The following GLI2 variants were observed in gnomAD, a reference collection of about 807,000 sequenced individuals.
The protein encoded by GLI2 is transcription activator GLI2.
A neutral mutation model predicts 78.9 loss-of-function variants in GLI2; 22 were observed. The observed-to-expected ratio is 0.28, with a 90% CI of 0.20 to 0.40. The LOEUF is 0.40. Ranked by LOEUF, GLI2 falls within the 10% of genes least tolerant of loss-of-function variation. The probability of loss-of-function intolerance (pLI) is 1.00; values close to 1 mark genes in which losing one functional copy is unlikely to be tolerated. For synonymous variants in GLI2, 974 were observed against 963.7 expected (o/e 1.01, Z -0.20); for missense variants, 2,097 against 2,213.2 (o/e 0.95, Z 1.05).
At chr2:120,868,171 C>CT (rs1688244235) in intron 2 of GLI2, among the ~76,000 whole-genome samples, 1 of 152,206 alleles carries the variant, frequency 6.6e-6, no homozygotes, top group African/African-American at 2.4e-5. Context: ...GCGGTTTGAG[C>CT]TGCAAGGAGG....
Position 120,990,451 on chromosome 2 carries a change from G to A in GLI2, c.4486G>A (p.Asp1496Asn), listed in dbSNP as rs755563767. 1.3e-5 allele frequency: 21 copies of A among 1,613,734 alleles called. No homozygotes were observed. Among genetic ancestry groups the A allele is most frequent in the East Asian group, 2.2e-5 (1 of 44,850 alleles). Residue 1496 changes from aspartate (D) to asparagine (N), a missense_variant, in exon 14 of 14, where the codon GAT becomes AAT. Asp to Asn is a conservative substitution (Grantham distance 23). Transcript: ENST00000361492. Reference sequence around the variant, plus strand: ...CCTGGAGGCCCCCCAGATTGACTTCGATGCCATCATGGATGATGGCGATCA... The same window carrying A: ...CCTGGAGGCCCCCCAGATTGACTTCAATGCCATCATGGATGATGGCGATCA... ...QLLEAPQIDF[D>N]AIMDDGDHSS... is the part of the protein sequence containing the mutation.
intron 3 of GLI2, among the ~76,000 whole-genome samples, chr2:120,939,071 C>T (rs1436748677): frequency 2.6e-5 from 4 of 152,180 alleles, no homozygotes; most frequent in Admixed American, 1.3e-4. Context: ...CACCTGAGGT[C>T]GGAAGTTCGA....
intron 2 of GLI2, among the ~76,000 whole-genome samples, chr2:120,907,159 C>G (rs925074205): frequency 1.3e-5 from 2 of 152,172 alleles, no homozygotes; most frequent in African/African-American, 4.8e-5. Flanking sequence ...GATGCTCTGA[C>G]CACACAGGGC....
At position 120,975,126 on chromosome 2, in the gene GLI2, C is replaced by G. The variant is rs1293644415; in HGVS notation, c.1317+17C>G. ...CTGGTGCATGTAAGCTTTTGAACCC[C>G]AGCAGCCCGCCAACCGGGGCACGGC... On this transcript the variant is annotated intron_variant, in intron 9 of 13. Transcript: ENST00000361492. 1 of 1,612,972 alleles carries G rather than the reference C, an allele frequency of 6.2e-7. No individual in the cohort carries two copies. The highest frequency in any genetic ancestry group is 8.5e-7 in the Non-Finnish European group (1 of 1,179,760).
intron 5 of GLI2, among the ~76,000 whole-genome samples, chr2:120,958,479 G>A (rs1286019880): frequency 6.6e-6 from 1 of 151,916 alleles, no homozygotes; most frequent in African/African-American, 2.4e-5. Flanking sequence ...CACCCCTCCC[G>A]GGCCAGACAG....
chr2:120,803,508 C>G (rs927522085), intron 2 of GLI2, among the ~76,000 whole-genome samples: 24 of 152,216 alleles, frequency 1.6e-4, no homozygotes, highest in Admixed American at 1.4e-3. Context: ...CCTGCTGACC[C>G]GTTGAGGCTG....
At chr2:120,757,322 A>T (rs559290804) in intron 1 of GLI2, among the ~76,000 whole-genome samples, 1 of 152,118 alleles carries the variant, frequency 6.6e-6, no homozygotes, top group South Asian at 2.1e-4. Context: ...CTTACTATAA[A>T]TATTCTTGAG....
intron 2 of GLI2, among the ~76,000 whole-genome samples, chr2:120,922,047 T>C (rs1335662393): frequency 2.6e-5 from 4 of 152,214 alleles, no homozygotes; most frequent in East Asian, 1.9e-4. Context: ...CCTCTGACAC[T>C]ATGTTATAAA....
chr2:120,840,414 G>A (rs1686811525), intron 2 of GLI2, among the ~76,000 whole-genome samples: 2 of 152,166 alleles, frequency 1.3e-5, no homozygotes, highest in South Asian at 2.1e-4. Flanking sequence ...GTGCATGCAC[G>A]CGTGTGCATG....
chr2:120,739,326 G>A (rs1682459460), intron 1 of GLI2, among the ~76,000 whole-genome samples: 1 of 152,160 alleles, frequency 6.6e-6, no homozygotes, highest in Non-Finnish European at 1.5e-5. Flanking sequence ...ACAGATGCCA[G>A]CAGTTCCCTT....
intron 2 of GLI2, among the ~76,000 whole-genome samples, chr2:120,876,183 T>C (rs2104693716): frequency 6.6e-6 from 1 of 152,022 alleles, no homozygotes. Flanking sequence ...CTACTAAAAA[T>C]ACAAAAAACT....
intron 1 of GLI2, among the ~76,000 whole-genome samples, chr2:120,789,033 CTT>C (rs35017068): frequency 2.4e-5 from 3 of 126,604 alleles, no homozygotes; most frequent in Non-Finnish European, 3.2e-5. Context: ...TTCTTTCTTT[CTT>C]TTTTTTTTTT....
chr2:120,970,222 C>T lies in GLI2; in HGVS notation c.846-171C>T, dbSNP rs146839257. ...GGAGCTGATCGCAGAAGGTGAGTGGCAGACAGTAGGAAGCCACAGCTGGTT... is the reference window on the plus strand; with the variant it reads ...GGAGCTGATCGCAGAAGGTGAGTGGTAGACAGTAGGAAGCCACAGCTGGTT... On this transcript the variant is annotated intron_variant, in intron 6 of 13. Transcript: ENST00000361492. Among the ~76,000 whole-genome samples, 9 of 152,264 alleles carry T rather than the reference C, an allele frequency of 5.9e-5. No individual in the cohort carries two copies. The East Asian group carries it at 1.7e-3, about 29-fold the overall frequency.
intron 2 of GLI2, among the ~76,000 whole-genome samples, chr2:120,806,963 C>T (rs1009052969): frequency 1.3e-5 from 2 of 152,196 alleles, no homozygotes; most frequent in Non-Finnish European, 2.9e-5. Flanking sequence ...GCATTGTCTG[C>T]TGCCTGCAGT....
chr2:120,769,618 G>A (rs1342537755), intron 1 of GLI2, among the ~76,000 whole-genome samples: 1 of 152,224 alleles, frequency 6.6e-6, no homozygotes, highest in East Asian at 1.9e-4. Context: ...TGCCCCTGCA[G>A]TGCTCATGCA....
chr2:120,983,010 A>G, intron 11 of GLI2, 130 bp downstream of exon 11: 2 of 768,688 alleles, frequency 2.6e-6, no homozygotes, highest in Non-Finnish European at 4.3e-6. Flanking sequence ...CCAGCTATAC[A>G]TCCTCAGATA....
chr2:120,823,496 G>A (rs541812930), intron 2 of GLI2, among the ~76,000 whole-genome samples: 91 of 152,300 alleles, frequency 6.0e-4, no homozygotes, highest in African/African-American at 2.0e-3. Flanking sequence ...CAGAGCATTC[G>A]GGCTGGAGCT....
At chr2:120,894,108 G>T (rs1677821927) in intron 2 of GLI2, among the ~76,000 whole-genome samples, 1 of 152,170 alleles carries the variant, frequency 6.6e-6, no homozygotes, top group African/African-American at 2.4e-5. Context: ...GGGGCTTTGT[G>T]GCAGCTCCAG....
chr2:120,832,980 G>A (rs1304965479), intron 2 of GLI2, among the ~76,000 whole-genome samples: 1 of 152,124 alleles, frequency 6.6e-6, no homozygotes, highest in Non-Finnish European at 1.5e-5. Flanking sequence ...ACTAGGTTGT[G>A]CTCAGGGACC....
Sources: allele counts gnomAD v4.1 joint callset (sites outside exome capture counted in the v4.1 genomes callset), GRCh38; gene constraint gnomAD v4.1.1; transcripts MANE v1.5; gene names NCBI Gene and HGNC (gene_info 2026-07-23, HGNC 2026-07-21).